CISD2: variants seen among roughly 807,000 people sequenced by gnomAD.
CISD2 encodes the protein CDGSH iron-sulfur domain-containing protein 2.
CISD2 carries 1 observed loss-of-function variant against 12.9 expected under a neutral mutation model. The ratio of observed to expected loss-of-function variants is 0.08; its 90% CI spans 0.03 to 0.37. The LOEUF (loss-of-function observed/expected upper bound fraction) is 0.37. Among genes scored for constraint, CISD2 ranks in the 10% least tolerant of loss-of-function variants. The pLI is 0.99. For synonymous variants in CISD2, 50 were observed against 60.6 expected (o/e 0.83, Z 0.81); for missense variants, 97 against 163.1 (o/e 0.59, Z 2.21).
intron 1 of CISD2, among the ~76,000 whole-genome samples, chr4:102,883,841 T>C (rs1381380178): frequency 1.3e-5 from 2 of 152,232 alleles, no homozygotes; most frequent in Non-Finnish European, 2.9e-5. Context: ...AAATATTTTT[T>C]TCAAAGGAGT....
chr4:102,871,062 A>G (rs1184888311), intron 1 of CISD2, among the ~76,000 whole-genome samples: 4 of 152,206 alleles, frequency 2.6e-5, no homozygotes, highest in African/African-American at 9.6e-5. Flanking sequence ...ACTAATTTGC[A>G]TAAGTTAACT....
At chr4:102,869,304 C>G in intron 1 of CISD2, 117 bp downstream of exon 1, 2 of 1,400,906 alleles carry the variant, frequency 1.4e-6, no homozygotes, top group Non-Finnish European at 2.0e-6. Context: ...CACGTGATCC[C>G]CGCGCGCAGA....
At chr4:102,875,927 G>A (rs1252993238) in intron 1 of CISD2, among the ~76,000 whole-genome samples, 1 of 152,104 alleles carries the variant, frequency 6.6e-6, no homozygotes. Context: ...CTTCTCATTC[G>A]TTAGGTCTCT....
Position 102,885,240 on chromosome 4 carries a change from C to T in CISD2, c.128C>T (p.Pro43Leu). The change falls in exon 2 of 3, where the codon CCT becomes CTT. Residue 43 changes from proline to leucine, a missense_variant. Physicochemically the swap from Pro to Leu is moderately conservative, Grantham distance 98 (BLOSUM62 -3). Coordinates refer to ENST00000273986, the MANE Select transcript of CISD2 (RefSeq NM_001008388.5). ...LTVSEWLRLL[P>L]FLGVLALLGY... ...GTTTCAGAATGGCTTCGGTTATTGC[C>T]TTTCCTTGGTGTACTCGCACTTCTT... 6.2e-7 allele frequency: 1 copy of T among 1,614,094 alleles called. No individual in the cohort carries two copies. The highest frequency in any genetic ancestry group is 2.2e-5 in the East Asian group (1 of 44,862).
chr4:102,874,750 T>G (rs1733551491), intron 1 of CISD2: 1 of 152,234 alleles, frequency 6.6e-6, no homozygotes, highest in South Asian at 2.1e-4. Flanking sequence ...TCTCTGCAGT[T>G]TAGGGAATCC....
rs1734066839 is a variant in CISD2, at chr4:102,888,654, C to T, written c.*1224C>T. ...TACTCTCATAATAGCTATCCTTAGC[C>T]AGGTGCCATGGCACAGGCCTGTAGT... On this transcript the variant is annotated 3_prime_UTR_variant, in exon 3 of 3. Coordinates refer to ENST00000273986, the MANE Select transcript of CISD2 (RefSeq NM_001008388.5). The T allele has an allele frequency of 6.6e-6, 1 of 152,212 alleles. No individual in the cohort carries two copies. Among genetic ancestry groups the T allele is most frequent in the Admixed American group, 6.5e-5 (1 of 15,284 alleles). 9.4% of individuals were successfully genotyped at this position (152,212 alleles called of 1,614,324 possible). A position where few individuals can be genotyped will look rare whatever the true frequency, so the allele number is the denominator to read the frequency against.
intron 1 of CISD2, among the ~76,000 whole-genome samples, chr4:102,876,265 G>A (rs1056503666): frequency 6.6e-6 from 1 of 152,122 alleles, no homozygotes; most frequent in Non-Finnish European, 1.5e-5. Flanking sequence ...AAAGAAACCT[G>A]GTTCCAAGTA....
chr4:102,872,355 C>G (rs1232401006), intron 1 of CISD2, among the ~76,000 whole-genome samples: 1 of 152,170 alleles, frequency 6.6e-6, no homozygotes, highest in African/African-American at 2.4e-5. Context: ...CAGGTGTGAG[C>G]CACTGCGCCC....
intron 2 of CISD2, among the ~76,000 whole-genome samples, chr4:102,885,855 A>G (rs944672723): frequency 7.9e-5 from 12 of 152,224 alleles, no homozygotes; most frequent in Non-Finnish European, 5.9e-5. Flanking sequence ...TCCACATTAC[A>G]TATCTTTGAG....
chr4:102,872,944 G>C (rs1416145735), intron 1 of CISD2, among the ~76,000 whole-genome samples: 1 of 152,200 alleles, frequency 6.6e-6, no homozygotes, highest in Non-Finnish European at 1.5e-5. Flanking sequence ...TCACAGTTCA[G>C]CATGGCTGGG....
At position 102,871,121 on chromosome 4, in the gene CISD2, C is replaced by T. The variant is rs7698383; in HGVS notation, c.103+1934C>T. 7.2e-5 allele frequency among the ~76,000 whole-genome samples: 11 copies of T among 152,194 alleles called. No individual in the cohort carries two copies. In the South Asian group the frequency reaches 2.1e-3, roughly 29 times the overall value. On this transcript the variant is annotated intron_variant, in intron 1 of 2. Transcript: ENST00000273986. ...GAAAGGAAAATGTCCAATGAATTAC[C>T]TATGTTTTTTCCAGATGGTGGCTGC...
chr4:102,869,477 A>T lies in CISD2; in HGVS notation c.103+290A>T, dbSNP rs973322223. On this transcript the variant is annotated intron_variant, in intron 1 of 2. Coordinates refer to ENST00000273986, the MANE Select transcript of CISD2 (RefSeq NM_001008388.5). ...GAAGGTGCTGAGTTGGGAACAGGCC[A>T]GTCTCTTTCATCTCCTGTCCTGCTC... The T allele has an allele frequency of 2.0e-5, 14 of 702,562 alleles. No individual in the cohort carries two copies. In the African/African-American group the frequency reaches 2.4e-4, roughly 12 times the overall value. 43.5% of individuals were successfully genotyped at this position (702,562 alleles called of 1,614,324 possible).
chr4:102,869,798 G>A (rs1733379830), intron 1 of CISD2, among the ~76,000 whole-genome samples: 1 of 152,180 alleles, frequency 6.6e-6, no homozygotes, highest in South Asian at 2.1e-4. Flanking sequence ...TAAGTTGGAA[G>A]AAAGATACCT....
In CISD2 at chr4:102,880,758, C is replaced by T. The variant is rs558418833; in HGVS notation, c.104-4458C>T. Among the ~76,000 whole-genome samples, 8 of 151,972 alleles carry T rather than the reference C, an allele frequency of 5.3e-5. No homozygotes were observed. The South Asian group carries it at 1.7e-3, about 32-fold the overall frequency. On this transcript the variant is annotated intron_variant, in intron 1 of 2. Coordinates refer to ENST00000273986, the MANE Select transcript of CISD2 (RefSeq NM_001008388.5). ...CTGTAATCCCAGCACTTTGAGAGGC[C>T]AAGGTGGGTGGATCACCTGAGGTCA... is the stretch of plus-strand genomic sequence containing the variant.
chr4:102,875,099 C>T (rs939773132), intron 1 of CISD2, among the ~76,000 whole-genome samples: 1 of 152,236 alleles, frequency 6.6e-6, no homozygotes, highest in Non-Finnish European at 1.5e-5. Context: ...AGCTCCCTTT[C>T]ATTAAATTCT....
intron 1 of CISD2, among the ~76,000 whole-genome samples, chr4:102,874,982 G>A (rs966766389): frequency 9.2e-5 from 14 of 152,164 alleles, no homozygotes; most frequent in African/African-American, 3.4e-4. Flanking sequence ...TTCCTAGTTA[G>A]GCTAATATTC....
rs1337403816 is a variant in CISD2, at chr4:102,890,286, A to AT, written c.*2857dup. 1 of 152,218 alleles carries AT rather than the reference A, an allele frequency of 6.6e-6. No homozygotes were observed. Among genetic ancestry groups the AT allele is most frequent in the East Asian group, 1.9e-4 (1 of 5,196 alleles). 9.4% of individuals were successfully genotyped at this position (152,218 alleles called of 1,614,324 possible). On this transcript the variant is annotated 3_prime_UTR_variant, in exon 3 of 3. Coordinates refer to ENST00000273986, the MANE Select transcript of CISD2 (RefSeq NM_001008388.5). ...AGGAAGCCAATTAAGCCAGCTGCTG[A>AT]TCTATATAGTACTACCTTCCTCATT... is the stretch of plus-strand genomic sequence containing the variant.
intron 1 of CISD2, among the ~76,000 whole-genome samples, chr4:102,881,333 G>A (rs936441236): frequency 1.3e-5 from 2 of 152,068 alleles, no homozygotes; most frequent in African/African-American, 4.8e-5. Flanking sequence ...ACTATAGTAC[G>A]GTTATATAGA....
intron 2 of CISD2, among the ~76,000 whole-genome samples, chr4:102,886,176 C>A (rs1405378063): frequency 1.3e-5 from 2 of 152,060 alleles, no homozygotes; most frequent in Non-Finnish European, 2.9e-5. Flanking sequence ...ACAGTGTGAT[C>A]CCAATTTTGT....
Sources: allele counts gnomAD v4.1 joint callset (sites outside exome capture counted in the v4.1 genomes callset), GRCh38; gene constraint gnomAD v4.1.1; transcripts MANE v1.5; gene names NCBI Gene and HGNC (gene_info 2026-07-23, HGNC 2026-07-21).